The following PPP1R12A variants were observed in gnomAD, a reference collection of about 807,000 sequenced individuals.
The protein encoded by PPP1R12A is myosin binding subunit.
PPP1R12A carries 19 observed loss-of-function variants against 139.6 expected under a neutral mutation model. The observed-to-expected ratio is 0.14, with a 90% CI of 0.09 to 0.20. The LOEUF (loss-of-function observed/expected upper bound fraction) is 0.20. Among genes scored for constraint, PPP1R12A ranks in the 10% least tolerant of loss-of-function variants. The pLI is 1.00. For synonymous variants in PPP1R12A, 427 were observed against 420.6 expected (o/e 1.02, Z -0.19); for missense variants, 925 against 1,211.5 (o/e 0.76, Z 3.51).
chr12:79,927,055 T>C (rs1400255915), intron 1 of PPP1R12A, among the ~76,000 whole-genome samples: 1 of 149,520 alleles, frequency 6.7e-6, no homozygotes, highest in Non-Finnish European at 1.5e-5. Flanking sequence ...TAGCTGGAAG[T>C]GGTGGCACAT....
intron 2 of PPP1R12A, among the ~76,000 whole-genome samples, chr12:79,861,572 A>C (rs1881320315): frequency 2.0e-5 from 3 of 152,154 alleles, no homozygotes; most frequent in Admixed American, 1.3e-4. Flanking sequence ...GGAAGCCGTG[A>C]GTGACCGTAC....
At chr12:79,822,401 T>C (rs1208850408) in intron 5 of PPP1R12A, among the ~76,000 whole-genome samples, 1 of 152,210 alleles carries the variant, frequency 6.6e-6, no homozygotes, top group African/African-American at 2.4e-5. Context: ...CCTTATTTTT[T>C]TGGTAACAGC....
chr12:79,840,015 T>C (rs1022476519), intron 3 of PPP1R12A, among the ~76,000 whole-genome samples: 2 of 152,182 alleles, frequency 1.3e-5, no homozygotes, highest in Non-Finnish European at 2.9e-5. Context: ...CCATTATATG[T>C]ATCAAATGAA....
chr12:79,867,319 G>T (rs1243430875), intron 2 of PPP1R12A, among the ~76,000 whole-genome samples: 2 of 152,080 alleles, frequency 1.3e-5, no homozygotes, highest in Non-Finnish European at 2.9e-5. Context: ...GGGTCTGTGG[G>T]GGGTGGGGGG....
Position 79,805,615 on chromosome 12 carries a change from T to G in PPP1R12A, c.1977A>C (p.Thr659=). The G allele has an allele frequency of 6.2e-7, 1 of 1,613,700 alleles. No individual in the cohort carries two copies. The change falls in exon 14 of 25, where the codon ACA becomes ACC. Residue 659 remains threonine, a synonymous_variant. Coordinates refer to ENST00000450142, the MANE Select transcript of PPP1R12A (RefSeq NM_002480.3). ...TTTTAGTVSS[T]TEVRERRRSY... ...ACCTGCGTCTCTCCCTGACCTCTGT[T>G]GTGGAGGAGACAGTGCCAGCAGTAG... is the stretch of plus-strand genomic sequence containing the variant.
At chr12:79,851,851 G>A (rs1880080367) in intron 2 of PPP1R12A, among the ~76,000 whole-genome samples, 1 of 152,090 alleles carries the variant, frequency 6.6e-6, no homozygotes, top group African/African-American at 2.4e-5. Context: ...TTGGCAATTT[G>A]TATTGTTCTA....
chr12:79,896,240 G>C (rs529415794), intron 1 of PPP1R12A, among the ~76,000 whole-genome samples: 1 of 151,984 alleles, frequency 6.6e-6, no homozygotes, highest in Non-Finnish European at 1.5e-5. Flanking sequence ...ATATTGACTA[G>C]AATTATTTTT....
intron 2 of PPP1R12A, among the ~76,000 whole-genome samples, chr12:79,848,601 C>T (rs111912535): frequency 5.3e-5 from 8 of 151,994 alleles, no homozygotes; most frequent in South Asian, 2.1e-4. Context: ...CAGGAAGCAG[C>T]GCCCAAAGCA....
intron 1 of PPP1R12A, among the ~76,000 whole-genome samples, chr12:79,881,034 TA>T (rs1207849857): frequency 6.6e-6 from 1 of 152,152 alleles, no homozygotes; most frequent in Non-Finnish European, 1.5e-5. Flanking sequence ...ACTTAATTGA[TA>T]AATGTTATAT....
intron 5 of PPP1R12A, 154 bp downstream of exon 5, chr12:79,828,166 T>C: frequency 1.7e-6 from 1 of 603,162 alleles, no homozygotes; most frequent in Non-Finnish European, 2.5e-6. Flanking sequence ...CATTAATTAG[T>C]AAGTCAGTTG....
At chr12:79,858,104 C>A (rs1880895694) in intron 2 of PPP1R12A, among the ~76,000 whole-genome samples, 1 of 152,116 alleles carries the variant, frequency 6.6e-6, no homozygotes, top group Admixed American at 6.5e-5. Flanking sequence ...GTATTCTTGA[C>A]AAGAAATATA....
chr12:79,893,655 T>C (rs1884867929), intron 1 of PPP1R12A, among the ~76,000 whole-genome samples: 1 of 152,208 alleles, frequency 6.6e-6, no homozygotes, highest in Admixed American at 6.5e-5. Context: ...GCTGACTTAC[T>C]ACAGGAGAAT....
At chr12:79,908,465 T>C (rs1187183353) in intron 1 of PPP1R12A, among the ~76,000 whole-genome samples, 3 of 152,232 alleles carry the variant, frequency 2.0e-5, no homozygotes, top group African/African-American at 7.2e-5. Context: ...TATCTCCCTG[T>C]CATCCACAGT....
chr12:79,824,590 T>C (rs992411298), intron 5 of PPP1R12A, among the ~76,000 whole-genome samples: 2 of 152,164 alleles, frequency 1.3e-5, no homozygotes, highest in Non-Finnish European at 1.5e-5. Flanking sequence ...TAAGAATTTC[T>C]AATTTCAAAA....
At chr12:79,841,041 C>T (rs1246638048) in intron 3 of PPP1R12A, among the ~76,000 whole-genome samples, 11 of 148,454 alleles carry the variant, frequency 7.4e-5, no homozygotes, top group Non-Finnish European at 1.6e-4. Flanking sequence ...GTCTCCAATT[C>T]CTTTTTATTT....
chr12:79,798,471 T>G, intron 15 of PPP1R12A, 23 bp downstream of exon 15: 1 of 1,427,040 alleles, frequency 7.0e-7, no homozygotes, highest in Non-Finnish European at 9.6e-7. Context: ...GTAAGTTTTA[T>G]ATATTAATTA....
At chr12:79,830,436 A>G (rs1228701797) in intron 4 of PPP1R12A, among the ~76,000 whole-genome samples, 1 of 152,150 alleles carries the variant, frequency 6.6e-6, no homozygotes, top group African/African-American at 2.4e-5. Flanking sequence ...TCTTATTCCT[A>G]TTATAAACAA....
chr12:79,883,457 T>C (rs1181389081), intron 1 of PPP1R12A, among the ~76,000 whole-genome samples: 2 of 151,878 alleles, frequency 1.3e-5, no homozygotes, highest in South Asian at 2.1e-4. Context: ...TAAGGAAGCT[T>C]AGGAGGAAAT....
At chr12:79,818,047 G>A (rs2137102528) in intron 8 of PPP1R12A, among the ~76,000 whole-genome samples, 1 of 152,174 alleles carries the variant, frequency 6.6e-6, no homozygotes, top group South Asian at 2.1e-4. Context: ...AGTTAAATGG[G>A]CACAATATCA....
Sources: gnomAD v4.1 joint callset for allele counts (sites outside exome capture counted in the v4.1 genomes callset) on GRCh38, gnomAD v4.1.1 for gene constraint, MANE v1.5 for transcripts, NCBI Gene and HGNC (gene_info 2026-07-23, HGNC 2026-07-21) for gene names.